The following NEK1 variants were observed in gnomAD, a reference collection of about 807,000 sequenced individuals.
NEK1 encodes the protein serine/threonine-protein kinase Nek1.
In NEK1, 137 loss-of-function variants were observed where a neutral mutation model predicts 182.1. The observed-to-expected ratio is 0.75, with a 90% CI of 0.65 to 0.87. NEK1 has a LOEUF of 0.87. Ranked by LOEUF, NEK1 falls within the 40% of genes least tolerant of loss-of-function variation. The pLI is 0.00. For synonymous variants in NEK1, 513 were observed against 492.2 expected (o/e 1.04, Z -0.56); for missense variants, 1,391 against 1,494.4 (o/e 0.93, Z 1.14).
chr4:169,556,204 T>C (rs1762143893), intron 16 of NEK1, 109 bp from the exon 17 acceptor site: 9 of 977,580 alleles, frequency 9.2e-6, no homozygotes, highest in Non-Finnish European at 1.3e-5. Context: ...TAAAAAGTAA[T>C]TACTTAATAT....
At chr4:169,402,966 C>A (rs1050220765) in intron 32 of NEK1, among the ~76,000 whole-genome samples, 1 of 152,144 alleles carries the variant, frequency 6.6e-6, no homozygotes, top group African/African-American at 2.4e-5. Flanking sequence ...TTTCATCTAT[C>A]AGGAAGGCAA....
Position 169,590,751 on chromosome 4 carries a change from AT to A in NEK1, c.370del (p.Ile124PhefsTer13). 1 of 1,597,198 alleles carries A rather than the reference AT, an allele frequency of 6.3e-7. No homozygotes were observed. The highest frequency in any genetic ancestry group is 1.7e-5 in the Admixed American group (1 of 57,746). On this transcript the variant is annotated frameshift_variant, in exon 6 of 36. Coordinates refer to ENST00000507142, the MANE Select transcript of NEK1 (RefSeq NM_001199397.3). LOFTEE classifies it high-confidence loss of function. ...CTGAGATTTAATGTCTCGATGAAGA[AT>A]TTTTCTATCATGTACATGTTTCAGG... Reference protein sequence around the residue: ...LALKHVHDRKILHRDIKSQNI... With the variant: ...LALKHVHDRKXLHRDIKSQNI...
In NEK1 at chr4:169,414,975, T is replaced by C. The variant is rs143240708; in HGVS notation, c.3223-8228A>G. Among the ~76,000 whole-genome samples the C allele has an allele frequency of 3.0e-3, 451 of 152,310 alleles. 1 individual carries two copies. The highest frequency in any genetic ancestry group is 0.01 in the African/African-American group (420 of 41,584). ...AAACTAGAGTCTGAGTTACAGTCAT[T>C]TTCCATTATAGGTTATCAATTGTAT... On this transcript the variant is annotated intron_variant, in intron 31 of 35. Coordinates refer to ENST00000507142, the MANE Select transcript of NEK1 (RefSeq NM_001199397.3).
At chr4:169,595,212 C>G (rs1186850911) in intron 5 of NEK1, among the ~76,000 whole-genome samples, 1 of 152,108 alleles carries the variant, frequency 6.6e-6, no homozygotes, top group Non-Finnish European at 1.5e-5. Context: ...TGAATGCTAA[C>G]TGCTTGATCC....
At chr4:169,588,128 T>C (rs1767828952) in intron 8 of NEK1, among the ~76,000 whole-genome samples, 1 of 152,092 alleles carries the variant, frequency 6.6e-6, no homozygotes, top group Admixed American at 6.5e-5. Flanking sequence ...CAGACTACAG[T>C]GCTGTGATTA....
At chr4:169,442,390 T>C (rs974034796) in intron 27 of NEK1, among the ~76,000 whole-genome samples, 4 of 151,928 alleles carry the variant, frequency 2.6e-5, no homozygotes, top group African/African-American at 9.7e-5. Context: ...CCACCCAGAA[T>C]CAAAGCCAAA....
chr4:169,607,605 G>A (rs1245667456), intron 2 of NEK1, among the ~76,000 whole-genome samples: 1 of 152,028 alleles, frequency 6.6e-6, no homozygotes, highest in East Asian at 1.9e-4. Context: ...TGGGACTACA[G>A]GCGCCTGCCA....
chr4:169,481,033 A>G (rs568220068), intron 23 of NEK1, among the ~76,000 whole-genome samples: 5 of 152,320 alleles, frequency 3.3e-5, no homozygotes, highest in Admixed American at 6.5e-5. Context: ...ACAATGTTCA[A>G]AACAGCTTCA....
chr4:169,481,653 G>A (rs1013462654), intron 23 of NEK1, among the ~76,000 whole-genome samples: 4 of 151,984 alleles, frequency 2.6e-5, no homozygotes, highest in Admixed American at 6.6e-5. Context: ...ACAGCAAACC[G>A]TGCTGTTAAC....
intron 23 of NEK1, among the ~76,000 whole-genome samples, chr4:169,491,804 T>C (rs1001300729): frequency 1.3e-5 from 2 of 152,208 alleles, no homozygotes; most frequent in African/African-American, 4.8e-5. Context: ...ACAACTGTAA[T>C]TGCATTAAGT....
At chr4:169,498,316 T>C (rs1751754799) in intron 23 of NEK1, among the ~76,000 whole-genome samples, 1 of 152,170 alleles carries the variant, frequency 6.6e-6, no homozygotes, top group Non-Finnish European at 1.5e-5. Flanking sequence ...ATGAGATGGG[T>C]TTCCTGAATA....
At chr4:169,461,876 A>T (rs1264559391) in intron 27 of NEK1, among the ~76,000 whole-genome samples, 1 of 152,112 alleles carries the variant, frequency 6.6e-6, no homozygotes, top group African/African-American at 2.4e-5. Flanking sequence ...ACCATCTAAC[A>T]TATAATAGTG....
intron 32 of NEK1, among the ~76,000 whole-genome samples, chr4:169,406,380 G>A (rs1447973353): frequency 6.6e-6 from 1 of 151,682 alleles, no homozygotes; most frequent in Non-Finnish European, 1.5e-5. Flanking sequence ...TTTTAATGCT[G>A]TTTACTAATG....
At chr4:169,494,080 G>A (rs1243585857) in intron 23 of NEK1, among the ~76,000 whole-genome samples, 1 of 151,302 alleles carries the variant, frequency 6.6e-6, no homozygotes. Context: ...AATCCCATCA[G>A]ACTCACAACG....
At chr4:169,601,744 A>C (rs1422052589) in intron 4 of NEK1, among the ~76,000 whole-genome samples, 2 of 152,060 alleles carry the variant, frequency 1.3e-5, no homozygotes, top group East Asian at 3.9e-4. Flanking sequence ...GCTGAGGCAT[A>C]AGAATCACTT....
At chr4:169,600,747 A>T (rs1023509170) in intron 4 of NEK1, among the ~76,000 whole-genome samples, 2 of 152,198 alleles carry the variant, frequency 1.3e-5, no homozygotes, top group African/African-American at 2.4e-5. Context: ...AGATGTTATA[A>T]TGTATGTAGC....
intron 29 of NEK1, among the ~76,000 whole-genome samples, chr4:169,429,407 C>A (rs985329354): frequency 6.6e-6 from 1 of 151,998 alleles, no homozygotes; most frequent in Non-Finnish European, 1.5e-5. Context: ...ACATTTAAAA[C>A]GTTAAAAAAA....
At chr4:169,411,284 CTA>C (rs1733626707) in intron 31 of NEK1, among the ~76,000 whole-genome samples, 3 of 144,358 alleles carry the variant, frequency 2.1e-5, no homozygotes, top group Admixed American at 6.8e-5. Context: ...TTATCTGACT[CTA>C]TTTTTTTTTT....
At chr4:169,505,058 T>A (rs1335944201) in intron 23 of NEK1, among the ~76,000 whole-genome samples, 3 of 152,004 alleles carry the variant, frequency 2.0e-5, no homozygotes, top group African/African-American at 7.2e-5. Flanking sequence ...AAGGCACAAC[T>A]TACAGAAAAC....
Sources: gnomAD v4.1 joint callset for allele counts (sites outside exome capture counted in the v4.1 genomes callset) on GRCh38, gnomAD v4.1.1 for gene constraint, MANE v1.5 for transcripts, NCBI Gene and HGNC (gene_info 2026-07-23, HGNC 2026-07-21) for gene names.